TOB2: variants seen among roughly 807,000 people sequenced by gnomAD.
TOB2 encodes the protein transducer of ERBB2, 2, also known as protein Tob2.
In TOB2, 3 loss-of-function variants were observed where a neutral mutation model predicts 17.3. That is an observed-to-expected ratio of 0.17 (90% CI 0.08 to 0.45). The LOEUF (loss-of-function observed/expected upper bound fraction) is 0.45, where lower values mean the gene tolerates loss of function less well. Among genes scored for constraint, TOB2 ranks in the 20% least tolerant of loss-of-function variants. TOB2 has a pLI of 0.99. For missense variants in TOB2, 407 were observed against 445.7 expected (o/e 0.91, Z 0.78); for synonymous variants, 163 against 185.6 (o/e 0.88, Z 0.99).
intron 1 of TOB2, among the ~76,000 whole-genome samples, chr22:41,438,520 C>T (rs2037578482): frequency 1.3e-5 from 2 of 149,186 alleles, no homozygotes; most frequent in African/African-American, 2.5e-5. Context: ...ATCCCAGCTA[C>T]CCGGGAGGTT....
At chr22:41,443,903 G>T (rs1365809597) in intron 1 of TOB2, among the ~76,000 whole-genome samples, 2 of 152,190 alleles carry the variant, frequency 1.3e-5, no homozygotes, top group Admixed American at 6.5e-5. Context: ...TGGGATTACA[G>T]GCGTGAGCCA....
chr22:41,436,241 CTT>C lies in TOB2; in HGVS notation c.*68_*69del. On this transcript the variant is annotated 3_prime_UTR_variant, in exon 2 of 2. Transcript: ENST00000327492. The surrounding 1 kb of genome is among the most constrained non-coding windows in gnomAD (Gnocchi z 4.8). ...TCTTTTTGTACATTTTTCTTTTCCT[CTT>C]TTTTTTGGCCTTTCCTTTCTCTTTT... 1 of 1,473,138 alleles carries C rather than the reference CTT, an allele frequency of 6.8e-7. No homozygotes were observed. The highest frequency in any genetic ancestry group is 1.4e-5 in the African/African-American group (1 of 71,116). The allele number at this position is 1,473,138 out of a possible 1,614,324, so 91.3% of individuals were successfully genotyped here. A position where few individuals can be genotyped will look rare whatever the true frequency, so the allele number is the denominator to read the frequency against.
chr22:41,446,528 G>C lies in TOB2; in HGVS notation c.-212C>G, dbSNP rs2037690210. ...AAGTCCTTTTCGTCGTTGAGGGTTG[G>C]GGGACGAAGCAGGGGGCTATGGACT... is the stretch of plus-strand genomic sequence containing the variant. On this transcript the variant is annotated 5_prime_UTR_variant, in exon 1 of 2. Coordinates refer to ENST00000327492, the MANE Select transcript of TOB2 (RefSeq NM_016272.4). 1 of 152,542 alleles carries C rather than the reference G, an allele frequency of 6.6e-6. No homozygotes were observed. Among genetic ancestry groups the C allele is most frequent in the Admixed American group, 6.5e-5 (1 of 15,292 alleles). The allele number at this position is 152,542 out of a possible 1,614,324, so 9.4% of individuals were successfully genotyped here.
chr22:41,440,515 C>T (rs1030946052), intron 1 of TOB2, among the ~76,000 whole-genome samples: 158 of 151,936 alleles, frequency 1.0e-3, no homozygotes, highest in African/African-American at 3.7e-3. Context: ...CTCAGGTGAT[C>T]CTCCCACTTC....
At chr22:41,446,076 A>C (rs1260320194) in intron 1 of TOB2, among the ~76,000 whole-genome samples, 1 of 152,180 alleles carries the variant, frequency 6.6e-6, no homozygotes, top group African/African-American at 2.4e-5. Context: ...CTAGGATATA[A>C]AGAACCGGGG....
rs939537480 is a variant in TOB2 at position 41,434,086 on chromosome 22, A to G, written c.*2225T>C. Reference sequence around the variant, plus strand: ...ATACAAACGGACACCAAAAAATGTAAAAAATAAAAAAAAGTTTTCCTACGA... The same window carrying G: ...ATACAAACGGACACCAAAAAATGTAGAAAATAAAAAAAAGTTTTCCTACGA... On this transcript the variant is annotated 3_prime_UTR_variant, in exon 2 of 2. Coordinates refer to ENST00000327492, the MANE Select transcript of TOB2 (RefSeq NM_016272.4). The G allele has an allele frequency of 1.3e-5, 2 of 154,796 alleles. No homozygotes were observed. The highest frequency in any genetic ancestry group is 4.8e-5 in the African/African-American group (2 of 41,438). 9.6% of individuals were successfully genotyped at this position (154,796 alleles called of 1,614,324 possible).
In TOB2 at chr22:41,438,630, C is replaced by CAAAA. The variant is rs749494672; in HGVS notation, c.-62-1227_-62-1224dup. On this transcript the variant is annotated intron_variant, in intron 1 of 1. Coordinates refer to ENST00000327492, the MANE Select transcript of TOB2 (RefSeq NM_016272.4). ...GGGCAACAAGAGCGAAACTCTGTCT[C>CAAAA]AAAAAAAAAAAAAAAAAAAAAAAAA... Among the ~76,000 whole-genome samples the CAAAA allele has an allele frequency of 6.8e-3, 86 of 12,690 alleles. 14 individuals are homozygous for CAAAA. Among genetic ancestry groups the CAAAA allele is most frequent in the South Asian group, 0.01 (2 of 198 alleles). The allele number at this position is 12,690 out of a possible 152,430, so 8.3% of individuals were successfully genotyped here.
In TOB2 at chr22:41,436,217, C is replaced by A. The variant is rs1328577042; in HGVS notation, c.*94G>T. On this transcript the variant is annotated 3_prime_UTR_variant, in exon 2 of 2. Coordinates refer to ENST00000327492, the MANE Select transcript of TOB2 (RefSeq NM_016272.4). This position sits in a 1 kb window ranked among gnomAD's most constrained non-coding sequence, Gnocchi z 4.8. ...AAGTAAGAGTGAGAAGATCGAAAAT[C>A]TTTTTGTACATTTTTCTTTTCCTCT... 7.0e-7 allele frequency: 1 copy of A among 1,431,794 alleles called. No homozygotes were observed. The highest frequency in any genetic ancestry group is 1.4e-5 in the African/African-American group (1 of 70,010). 88.7% of individuals were successfully genotyped at this position (1,431,794 alleles called of 1,614,324 possible). A position where few individuals can be genotyped will look rare whatever the true frequency, so the allele number is the denominator to read the frequency against.
intron 1 of TOB2, among the ~76,000 whole-genome samples, chr22:41,443,185 G>A (rs541214488): frequency 6.6e-6 from 1 of 152,300 alleles, no homozygotes; most frequent in African/African-American, 2.4e-5. Flanking sequence ...GGGAAGAAGT[G>A]GGGCGTGAAG....
intron 1 of TOB2, among the ~76,000 whole-genome samples, chr22:41,438,872 G>A (rs1885371592): frequency 6.6e-6 from 1 of 151,896 alleles, no homozygotes; most frequent in African/African-American, 2.4e-5. Flanking sequence ...CCTCCGGTAG[G>A]GACCCATCAT....
In TOB2 at chr22:41,436,063, A is replaced by G; in HGVS notation, c.*248T>C. Reference sequence around the variant, plus strand: ...CATGTAAGAAAAAAAAAAAAGAAAAAGAAATATAAAACCCAAACCAACCAA... The same window carrying G: ...CATGTAAGAAAAAAAAAAAAGAAAAGGAAATATAAAACCCAAACCAACCAA... On this transcript the variant is annotated 3_prime_UTR_variant, in exon 2 of 2. Coordinates refer to ENST00000327492, the MANE Select transcript of TOB2 (RefSeq NM_016272.4). This position sits in a 1 kb window ranked among gnomAD's most constrained non-coding sequence, Gnocchi z 4.8. 2.5e-6 allele frequency: 1 copy of G among 399,820 alleles called. No individual in the cohort carries two copies. The highest frequency in any genetic ancestry group is 4.4e-6 in the Non-Finnish European group (1 of 227,236). The allele number at this position is 399,820 out of a possible 1,614,324, so 24.8% of individuals were successfully genotyped here. A position where few individuals can be genotyped will look rare whatever the true frequency, so the allele number is the denominator to read the frequency against.
At chr22:41,444,191 G>C (rs1277294019) in intron 1 of TOB2, among the ~76,000 whole-genome samples, 1 of 152,182 alleles carries the variant, frequency 6.6e-6, no homozygotes, top group Admixed American at 6.5e-5. Flanking sequence ...TGAGACACGG[G>C]ATCCGCCCCA....
intron 1 of TOB2, among the ~76,000 whole-genome samples, chr22:41,441,650 A>G (rs2037622053): frequency 6.6e-6 from 1 of 152,136 alleles, no homozygotes; most frequent in South Asian, 2.1e-4. Flanking sequence ...ATTGTGGCTC[A>G]TGCCTGTAAT....
Position 41,436,070 on chromosome 22 carries a change from T to C in TOB2, c.*241A>G, listed in dbSNP as rs1183105168. 30 of 415,592 alleles carry C rather than the reference T, an allele frequency of 7.2e-5. No homozygotes were observed. In the East Asian group the frequency reaches 1.1e-3, roughly 15 times the overall value. The allele number at this position is 415,592 out of a possible 1,614,324, so 25.7% of individuals were successfully genotyped here. On this transcript the variant is annotated 3_prime_UTR_variant, in exon 2 of 2. Coordinates refer to ENST00000327492, the MANE Select transcript of TOB2 (RefSeq NM_016272.4). This position sits in a 1 kb window ranked among gnomAD's most constrained non-coding sequence, Gnocchi z 4.8. ...GAAAAAAAAAAAAGAAAAAGAAATATAAAACCCAAACCAACCAAATAAATC... is the reference window on the plus strand; with the variant it reads ...GAAAAAAAAAAAAGAAAAAGAAATACAAAACCCAAACCAACCAAATAAATC...
At chr22:41,440,192 A>G (rs1648248753) in intron 1 of TOB2, among the ~76,000 whole-genome samples, 1 of 149,920 alleles carries the variant, frequency 6.7e-6, no homozygotes, top group Non-Finnish European at 1.5e-5. Flanking sequence ...GTCTCGGCTC[A>G]CTGCAACCTC....
chr22:41,445,893 C>T (rs2037679497), intron 1 of TOB2, among the ~76,000 whole-genome samples: 1 of 152,214 alleles, frequency 6.6e-6, no homozygotes, highest in African/African-American at 2.4e-5. Flanking sequence ...CACCCTCCAC[C>T]CTTCAGGCTC....
Position 41,437,249 on chromosome 22 carries a change from C to G in TOB2, c.97G>C (p.Glu33Gln), listed in dbSNP as rs908310153. 2 of 1,614,140 alleles carry G rather than the reference C, an allele frequency of 1.2e-6. No individual in the cohort carries two copies. Among genetic ancestry groups the G allele is most frequent in the Non-Finnish European group, 1.7e-6 (2 of 1,180,020 alleles). The change falls in exon 2 of 2, where the codon GAG becomes CAG. Residue 33 changes from glutamate (E) to glutamine (Q), a missense_variant. By Grantham distance (29) the Glu-to-Gln change is conservative (BLOSUM62 2). Transcript: ENST00000327492. ...RRADLFGEEL[E>Q]RLLKKKYEGH... ...TCATATTTCTTTTTCAAAAGCCGCT[C>G]TAGCTCCTCCCCAAACAGGTCTGCC...
chr22:41,443,109 C>T (rs1432151403), intron 1 of TOB2, among the ~76,000 whole-genome samples: 1 of 152,114 alleles, frequency 6.6e-6, no homozygotes, highest in African/African-American at 2.4e-5. Flanking sequence ...CAAAGTTAAA[C>T]CTGGATTCTG....
chr22:41,436,264 C>A lies in TOB2; in HGVS notation c.*47G>T. ...CTCTTTTTTTTGGCCTTTCCTTTCT[C>A]TTTTCTGTGGTCTTGGGTGCTCCTG... is the stretch of plus-strand genomic sequence containing the variant. On this transcript the variant is annotated 3_prime_UTR_variant, in exon 2 of 2. Coordinates refer to ENST00000327492, the MANE Select transcript of TOB2 (RefSeq NM_016272.4). This position sits in a 1 kb window ranked among gnomAD's most constrained non-coding sequence, Gnocchi z 4.8. 6.7e-7 allele frequency: 1 copy of A among 1,483,486 alleles called. No individual in the cohort carries two copies. The highest frequency in any genetic ancestry group is 8.9e-7 in the Non-Finnish European group (1 of 1,117,556). The allele number at this position is 1,483,486 out of a possible 1,614,324, so 91.9% of individuals were successfully genotyped here. A position where few individuals can be genotyped will look rare whatever the true frequency, so the allele number is the denominator to read the frequency against.
Sources: allele counts gnomAD v4.1 joint callset (sites outside exome capture counted in the v4.1 genomes callset), GRCh38; gene constraint gnomAD v4.1.1; non-coding constraint Gnocchi (gnomAD v3.1); transcripts MANE v1.5; gene names NCBI Gene and HGNC (gene_info 2026-07-23, HGNC 2026-07-21).